NABP2: variants seen among roughly 807,000 people sequenced by gnomAD.
NABP2 encodes the protein nucleic acid binding protein 2.
A neutral mutation model predicts 22.7 loss-of-function variants in NABP2; 7 were observed. The ratio of observed to expected loss-of-function variants is 0.31; its 90% confidence interval spans 0.18 to 0.58. NABP2 has a LOEUF of 0.58. Ranked by LOEUF, NABP2 falls within the 20% of genes least tolerant of loss-of-function variation. NABP2 has a pLI of 0.89. For synonymous variants in NABP2, 107 were observed against 99.2 expected (o/e 1.08, Z -0.47); for missense variants, 188 against 265.9 (o/e 0.71, Z 2.04).
rs773106256 is a variant in NABP2, at chr12:56,229,085, A to G, written c.508A>G (p.Thr170Ala). The change falls in exon 7 of 7, where the codon ACT (threonine) becomes GCT (alanine). Residue 170 changes from threonine (T) to alanine (A), a missense_variant. Coordinates refer to ENST00000267023, the MANE Select transcript of NABP2 (RefSeq NM_024068.4). ...CGGTGGTGGCCCACATCCCCCTCATACTCCCTCCCACCCACCCAGCACCCG... is the reference window on the plus strand; with the variant it reads ...CGGTGGTGGCCCACATCCCCCTCATGCTCCCTCCCACCCACCCAGCACCCG... ...GPGGGPHPPH[T>A]PSHPPSTRIT... 5.7e-6 allele frequency: 9 copies of G among 1,587,536 alleles called. No homozygotes were observed. Among genetic ancestry groups the G allele is most frequent in the Non-Finnish European group, 7.7e-6 (9 of 1,161,566 alleles).
At chr12:56,228,244 T>G (rs1263416933) in intron 6 of NABP2, among the ~76,000 whole-genome samples, 1 of 152,150 alleles carries the variant, frequency 6.6e-6, no homozygotes, top group African/African-American at 2.4e-5. Flanking sequence ...GATGGTTATC[T>G]ATATTTTCTA....
upstream of NABP2, chr12:56,223,506 C>T (rs1335581553): frequency 6.6e-6 from 1 of 150,772 alleles, no homozygotes; most frequent in Non-Finnish European, 1.5e-5. Flanking sequence ...CACTACACTC[C>T]AGCCTGGGTT....
chr12:56,229,087 T>TTCCCACCCC lies in NABP2; in HGVS notation c.510_511insTCCCACCCC (p.Thr170_Pro171insSerHisPro). ...GTGGTGGCCCACATCCCCCTCATAC[T>TTCCCACCCC]CCCTCCCACCCACCCAGCACCCGAA... On this transcript the variant is annotated inframe_insertion, in exon 7 of 7. Transcript: ENST00000267023. 2 of 1,512,326 alleles carry TTCCCACCCC rather than the reference T, an allele frequency of 1.3e-6. No individual in the cohort carries two copies. The highest frequency in any genetic ancestry group is 1.8e-6 in the Non-Finnish European group (2 of 1,101,994). The allele number at this position is 1,512,326 out of a possible 1,614,324, so 93.7% of individuals were successfully genotyped here.
chr12:56,229,382 C>G lies in NABP2; in HGVS notation c.*169C>G. On this transcript the variant is annotated 3_prime_UTR_variant, in exon 7 of 7. Coordinates refer to ENST00000267023, the MANE Select transcript of NABP2 (RefSeq NM_024068.4). ...AATCTCATACTCCCTCATTGTCCAG[C>G]TGAACTACCTGTCCCCTGGGAGTCA... The G allele has an allele frequency of 3.0e-6, 2 of 669,992 alleles. No individual in the cohort carries two copies. Among genetic ancestry groups the G allele is most frequent in the Non-Finnish European group, 5.1e-6 (2 of 393,954 alleles). The allele number at this position is 669,992 out of a possible 1,614,324, so 41.5% of individuals were successfully genotyped here. A position where few individuals can be genotyped will look rare whatever the true frequency, so the allele number is the denominator to read the frequency against.
Position 56,229,087 on chromosome 12 carries a change from T to TTCCCCCCCCCCCCCCCCC in NABP2, c.510_511insTCCCCCCCCCCCCCCCCC (p.Thr170_Pro171insSerProProProProPro). 2.0e-6 allele frequency: 3 copies of TTCCCCCCCCCCCCCCCCC among 1,512,334 alleles called. No homozygotes were observed. Among genetic ancestry groups the TTCCCCCCCCCCCCCCCCC allele is most frequent in the South Asian group, 1.2e-5 (1 of 84,152 alleles). The allele number at this position is 1,512,334 out of a possible 1,614,324, so 93.7% of individuals were successfully genotyped here. On this transcript the variant is annotated inframe_insertion, in exon 7 of 7. Coordinates refer to ENST00000267023, the MANE Select transcript of NABP2 (RefSeq NM_024068.4). The stretch of plus-strand genomic sequence containing the variant: ...GTGGTGGCCCACATCCCCCTCATAC[T>TTCCCCCCCCCCCCCCCCC]CCCTCCCACCCACCCAGCACCCGAA...
chr12:56,229,087 T>TGGCCC lies in NABP2; in HGVS notation c.510_511insGGCCC (p.Pro171GlyfsTer64). 35 of 1,512,158 alleles carry TGGCCC rather than the reference T, an allele frequency of 2.3e-5. No individual in the cohort carries two copies. Among genetic ancestry groups the TGGCCC allele is most frequent in the Non-Finnish European group, 2.8e-5 (31 of 1,101,854 alleles). The allele number at this position is 1,512,158 out of a possible 1,614,324, so 93.7% of individuals were successfully genotyped here. The stretch of plus-strand genomic sequence containing the variant: ...GTGGTGGCCCACATCCCCCTCATAC[T>TGGCCC]CCCTCCCACCCACCCAGCACCCGAA... On this transcript the variant is annotated frameshift_variant, in exon 7 of 7. Transcript: ENST00000267023. LOFTEE classifies it high-confidence loss of function.
In NABP2 at chr12:56,224,370, C is replaced by T. The variant is rs1228961549; in HGVS notation, c.-95C>T. 4 of 990,382 alleles carry T rather than the reference C, an allele frequency of 4.0e-6. No homozygotes were observed. In the East Asian group the frequency reaches 3.3e-4, roughly 82 times the overall value. The allele number at this position is 990,382 out of a possible 1,614,324, so 61.3% of individuals were successfully genotyped here. A position where few individuals can be genotyped will look rare whatever the true frequency, so the allele number is the denominator to read the frequency against. ...CTCCCGCGTTCCACGGGGCAGCATCCGGCGGCAGCGGAGCCTGTGGCTCCC... is the reference window on the plus strand; with the variant it reads ...CTCCCGCGTTCCACGGGGCAGCATCTGGCGGCAGCGGAGCCTGTGGCTCCC... On this transcript the variant is annotated 5_prime_UTR_variant, in exon 1 of 7. Coordinates refer to ENST00000267023, the MANE Select transcript of NABP2 (RefSeq NM_024068.4).
chr12:56,228,286 C>T (rs907859216), intron 6 of NABP2, among the ~76,000 whole-genome samples: 1 of 152,044 alleles, frequency 6.6e-6, no homozygotes, highest in Admixed American at 6.6e-5. Flanking sequence ...TACACTCATA[C>T]ACACCTTTTT....
chr12:56,228,775 C>G (rs1869932569), intron 6 of NABP2, among the ~76,000 whole-genome samples: 1 of 152,106 alleles, frequency 6.6e-6, no homozygotes, highest in Non-Finnish European at 1.5e-5. Flanking sequence ...GAGATAACTA[C>G]AAGAGAAAAA....
chr12:56,224,397 C>G lies in NABP2; in HGVS notation c.-68C>G, dbSNP rs1869659511. Reference sequence around the variant, plus strand: ...GCGGCAGCGGAGCCTGTGGCTCCCCCTGCGGGCTGCTCAGCGGCGTGCACA... The same window carrying G: ...GCGGCAGCGGAGCCTGTGGCTCCCCGTGCGGGCTGCTCAGCGGCGTGCACA... On this transcript the variant is annotated 5_prime_UTR_variant, in exon 1 of 7. Coordinates refer to ENST00000267023, the MANE Select transcript of NABP2 (RefSeq NM_024068.4). 2 of 991,852 alleles carry G rather than the reference C, an allele frequency of 2.0e-6. No individual in the cohort carries two copies. The highest frequency in any genetic ancestry group is 2.4e-6 in the Non-Finnish European group (2 of 832,494). The allele number at this position is 991,852 out of a possible 1,614,324, so 61.4% of individuals were successfully genotyped here.
intron 5 of NABP2, 33 bp downstream of exon 5, chr12:56,226,293 G>A (rs963930989): frequency 6.2e-7 from 1 of 1,613,984 alleles, no homozygotes; most frequent in South Asian, 1.1e-5. Flanking sequence ...TGGGAAAGGA[G>A]GGCAGATCAA....
At position 56,226,391 on chromosome 12, in the gene NABP2, T is replaced by TACC; in HGVS notation, c.411_413dup (p.Thr138dup). The TACC allele has an allele frequency of 6.2e-7, 1 of 1,613,604 alleles. No homozygotes were observed. Among genetic ancestry groups the TACC allele is most frequent in the Non-Finnish European group, 8.5e-7 (1 of 1,180,016 alleles). On this transcript the variant is annotated inframe_insertion, in exon 6 of 7. Coordinates refer to ENST00000267023, the MANE Select transcript of NABP2 (RefSeq NM_024068.4). ...ACAGCAACCCTTCAGCTTCCCAGCC[T>TACC]ACCACTGGACCCTCTGCTGCCTCTC...
intron 1 of NABP2, 196 bp from the exon 2 acceptor site, chr12:56,224,638 G>T: frequency 9.3e-7 from 1 of 1,076,322 alleles, no homozygotes. Flanking sequence ...CAGCCCCAAA[G>T]CAGCCTGTCC....
chr12:56,227,463 C>T (rs1437330815), intron 6 of NABP2, among the ~76,000 whole-genome samples: 1 of 152,096 alleles, frequency 6.6e-6, no homozygotes, highest in Non-Finnish European at 1.5e-5. Context: ...AAACCTCTGC[C>T]TTCATATAAC....
Position 56,229,087 on chromosome 12 carries a change from T to TGGCCCAC in NABP2, c.510_511insGGCCCAC (p.Pro171GlyfsTer32). ...GTGGTGGCCCACATCCCCCTCATAC[T>TGGCCCAC]CCCTCCCACCCACCCAGCACCCGAA... On this transcript the variant is annotated frameshift_variant, in exon 7 of 7. Transcript: ENST00000267023. LOFTEE classifies it high-confidence loss of function. 1 of 1,512,342 alleles carries TGGCCCAC rather than the reference T, an allele frequency of 6.6e-7. No homozygotes were observed. Among genetic ancestry groups the TGGCCCAC allele is most frequent in the Non-Finnish European group, 9.1e-7 (1 of 1,102,010 alleles). 93.7% of individuals were successfully genotyped at this position (1,512,342 alleles called of 1,614,324 possible).
At chr12:56,223,908 G>A (rs770535966), upstream of NABP2, among the ~76,000 whole-genome samples, 6 of 152,144 alleles carry the variant, frequency 3.9e-5, no homozygotes, top group Admixed American at 1.3e-4. Context: ...TCCAGCCTAT[G>A]CCTCCCTACG....
rs1869656339 is a variant in NABP2 at position 56,224,365 on chromosome 12, G to A, written c.-100G>A. 1 of 990,382 alleles carries A rather than the reference G, an allele frequency of 1.0e-6. No homozygotes were observed. The highest frequency in any genetic ancestry group is 1.2e-6 in the Non-Finnish European group (1 of 832,014). The allele number at this position is 990,382 out of a possible 1,614,324, so 61.3% of individuals were successfully genotyped here. A position where few individuals can be genotyped will look rare whatever the true frequency, so the allele number is the denominator to read the frequency against. Reference sequence around the variant, plus strand: ...CCGCACTCCCGCGTTCCACGGGGCAGCATCCGGCGGCAGCGGAGCCTGTGG... The same window carrying A: ...CCGCACTCCCGCGTTCCACGGGGCAACATCCGGCGGCAGCGGAGCCTGTGG... On this transcript the variant is annotated 5_prime_UTR_variant, in exon 1 of 7. Coordinates refer to ENST00000267023, the MANE Select transcript of NABP2 (RefSeq NM_024068.4).
At chr12:56,224,577 T>C (rs1329192396) in intron 1 of NABP2, 136 bp downstream of exon 1, 12 of 1,228,124 alleles carry the variant, frequency 9.8e-6, no homozygotes, top group Non-Finnish European at 1.2e-5. Flanking sequence ...CTACGTCGGC[T>C]CCGCCACTTC....
chr12:56,225,773 G>C (rs1869733270), intron 4 of NABP2, 78 bp downstream of exon 4: 4 of 1,372,252 alleles, frequency 2.9e-6, no homozygotes, highest in Non-Finnish European at 4.1e-6. Flanking sequence ...AGGGTGTGCA[G>C]TCCAAGCCTC....
Sources: gnomAD v4.1 joint callset for allele counts (sites outside exome capture counted in the v4.1 genomes callset) on GRCh38, gnomAD v4.1.1 for gene constraint, MANE v1.5 for transcripts, NCBI Gene and HGNC (gene_info 2026-07-23, HGNC 2026-07-21) for gene names.